Variants in DLG2 observed in about 807,000 individuals in gnomAD.
DLG2 encodes the protein disks large homolog 2.
A neutral mutation model predicts 132.5 loss-of-function variants in DLG2; 45 were observed. The observed-to-expected ratio is 0.34, with a 90% CI of 0.27 to 0.44. The LOEUF is 0.44. Ranked by LOEUF, DLG2 falls within the 20% of genes least tolerant of loss-of-function variation. DLG2 has a pLI of 1.00. For missense variants in DLG2, 1,045 were observed against 1,196.9 expected (o/e 0.87, Z 1.87); for synonymous variants, 424 against 419.6 (o/e 1.01, Z -0.13).
chr11:83,770,628 T>TAAAG (rs2094356125), intron 18 of DLG2, among the ~76,000 whole-genome samples: 1 of 152,200 alleles, frequency 6.6e-6, no homozygotes, highest in African/African-American at 2.4e-5. Context: ...TTTTTTCTTC[T>TAAAG]AAAGACCAGC....
chr11:84,476,804 GA>G (rs1371667882), intron 7 of DLG2, among the ~76,000 whole-genome samples: 1 of 152,120 alleles, frequency 6.6e-6, no homozygotes, highest in African/African-American at 2.4e-5. Flanking sequence ...CCAAACATTT[GA>G]ATGAATGAAC....
At chr11:84,317,096 C>T (rs781269823) in intron 7 of DLG2, 1 of 1,612,868 alleles carries the variant, frequency 6.2e-7, no homozygotes, top group South Asian at 1.1e-5. Flanking sequence ...GGCATCCATC[C>T]CATCGGACCC....
intron 18 of DLG2, among the ~76,000 whole-genome samples, chr11:83,765,010 C>A (rs1355088393): frequency 2.6e-5 from 4 of 152,142 alleles, no homozygotes; most frequent in Non-Finnish European, 5.9e-5. Context: ...TTTAGAAATA[C>A]AATTAAAAAC....
chr11:84,842,596 C>T (rs1053226985), intron 6 of DLG2, among the ~76,000 whole-genome samples: 3 of 151,996 alleles, frequency 2.0e-5, no homozygotes, highest in Non-Finnish European at 4.4e-5. Flanking sequence ...GTCCAGAGCA[C>T]TTCAATAGTT....
At chr11:85,315,044 G>C (rs1406407780) in intron 3 of DLG2, among the ~76,000 whole-genome samples, 2 of 151,938 alleles carry the variant, frequency 1.3e-5, no homozygotes, top group Non-Finnish European at 2.9e-5. Flanking sequence ...AGCTATCTAG[G>C]CCTGTGCCTC....
At chr11:83,772,003 T>C (rs746066151) in intron 18 of DLG2, among the ~76,000 whole-genome samples, 2 of 152,210 alleles carry the variant, frequency 1.3e-5, no homozygotes, top group Non-Finnish European at 2.9e-5. Context: ...TCCATTTTTT[T>C]TTCTAGAAAA....
At chr11:85,170,586 G>GT (rs1258290989) in intron 4 of DLG2, among the ~76,000 whole-genome samples, 3 of 152,132 alleles carry the variant, frequency 2.0e-5, no homozygotes, top group Non-Finnish European at 4.4e-5. Flanking sequence ...ATAATTTGAG[G>GT]TATCATGTTC....
chr11:84,347,886 A>C (rs182779991), intron 7 of DLG2, among the ~76,000 whole-genome samples: 1 of 152,330 alleles, frequency 6.6e-6, no homozygotes, highest in East Asian at 1.9e-4. Flanking sequence ...AGATTGCATA[A>C]GGGTTTATGA....
At chr11:84,714,659 C>A (rs982141673) in intron 6 of DLG2, among the ~76,000 whole-genome samples, 1 of 146,228 alleles carries the variant, frequency 6.8e-6, no homozygotes, top group Non-Finnish European at 1.5e-5. Flanking sequence ...CTCTCTCTCT[C>A]TCTCTCTCTC....
rs573174013 is a variant in DLG2 at position 84,088,146 on chromosome 11, T to C, written c.749+10777A>G. Among the ~76,000 whole-genome samples, 3 of 152,334 alleles carry C rather than the reference T, an allele frequency of 2.0e-5. No individual in the cohort carries two copies. The East Asian group carries it at 5.8e-4, about 29-fold the overall frequency. ...TTTTTAATTGACGAACTCCAAGTTA[T>C]CTATTTTTTCTTTGTTGCTCATGCT... On this transcript the variant is annotated intron_variant, in intron 10 of 27. Transcript: ENST00000376104.
chr11:84,631,609 C>G (rs2099632259), intron 6 of DLG2, among the ~76,000 whole-genome samples: 1 of 152,020 alleles, frequency 6.6e-6, no homozygotes, highest in Non-Finnish European at 1.5e-5. Flanking sequence ...GTCCTAGGAT[C>G]TCAGCACCAA....
At chr11:83,608,455 T>C in intron 19 of DLG2, among the ~76,000 whole-genome samples, 1 of 152,072 alleles carries the variant, frequency 6.6e-6, no homozygotes, top group East Asian at 1.9e-4. Context: ...ACCCAAAAAG[T>C]TTTGGATTTT....
chr11:85,484,210 C>G (rs1308555918), intron 3 of DLG2, among the ~76,000 whole-genome samples: 2 of 141,166 alleles, frequency 1.4e-5, no homozygotes, highest in Admixed American at 7.1e-5. Context: ...CCCCGTTCCT[C>G]CCGACCCCTC....
intron 3 of DLG2, among the ~76,000 whole-genome samples, chr11:85,358,284 C>T (rs939958452): frequency 2.6e-5 from 4 of 152,194 alleles, no homozygotes; most frequent in East Asian, 1.9e-4. Context: ...TTTTGACAGA[C>T]AACCACAGCT....
At chr11:85,498,048 CATA>C (rs1328516498) in intron 3 of DLG2, among the ~76,000 whole-genome samples, 1 of 152,186 alleles carries the variant, frequency 6.6e-6, no homozygotes, top group East Asian at 1.9e-4. Context: ...CAGCTACCAT[CATA>C]ATGACAGGAT....
At chr11:85,130,063 G>A (rs2075547486) in intron 5 of DLG2, among the ~76,000 whole-genome samples, 1 of 152,034 alleles carries the variant, frequency 6.6e-6, no homozygotes, top group South Asian at 2.1e-4. Context: ...TTGAGGGGTG[G>A]GGGGCAAGAG....
At chr11:83,734,390 TCC>T (rs1190319372) in intron 18 of DLG2, among the ~76,000 whole-genome samples, 2 of 145,818 alleles carry the variant, frequency 1.4e-5, no homozygotes, top group African/African-American at 5.2e-5. Flanking sequence ...CTTCCTTCCT[TCC>T]TTCCTTCCTT....
At chr11:83,945,853 T>C (rs1189354866) in intron 14 of DLG2, among the ~76,000 whole-genome samples, 4 of 145,304 alleles carry the variant, frequency 2.8e-5, no homozygotes, top group African/African-American at 1.0e-4. Flanking sequence ...TGTTTTCTAA[T>C]GTGCTTTTAC....
At position 83,503,445 on chromosome 11, in the gene DLG2, A is replaced by G. The variant is rs1340485051; in HGVS notation, c.2194-19217T>C. 1.4e-5 allele frequency among the ~76,000 whole-genome samples: 2 copies of G among 140,898 alleles called. 1 individual carries two copies. The highest frequency in any genetic ancestry group is 3.1e-5 in the Non-Finnish European group (2 of 64,762). The allele number at this position is 140,898 out of a possible 152,430, so 92.4% of individuals were successfully genotyped here. ...TATAGATAGATCTAATAGGATATAT[A>G]TATTTATACACACACACACATATAT... On this transcript the variant is annotated intron_variant, in intron 21 of 27. Coordinates refer to ENST00000376104, the MANE Select transcript of DLG2 (RefSeq NM_001142699.3).
Sources: gnomAD v4.1 joint callset for allele counts (sites outside exome capture counted in the v4.1 genomes callset) on GRCh38, gnomAD v4.1.1 for gene constraint, MANE v1.5 for transcripts, NCBI Gene and HGNC (gene_info 2026-07-23, HGNC 2026-07-21) for gene names.